The following ZCCHC17 variants were observed in gnomAD, a reference collection of about 807,000 sequenced individuals.
ZCCHC17 encodes zinc finger CCHC domain-containing protein 17.
ZCCHC17 carries 18 observed loss-of-function variants against 30.6 expected under a neutral mutation model. The observed-to-expected ratio is 0.59, with a 90% CI of 0.41 to 0.87. The LOEUF is 0.87. Ranked by LOEUF, ZCCHC17 falls within the 40% of genes least tolerant of loss-of-function variation. ZCCHC17 has a pLI of 0.00. For missense variants in ZCCHC17, 263 were observed against 284.2 expected, an observed-to-expected ratio of 0.93 and a Z score of 0.54; for synonymous variants, 88 against 92.4, an observed-to-expected ratio of 0.95 and a Z score of 0.27.
intron 3 of ZCCHC17, among the ~76,000 whole-genome samples, chr1:31,324,395 T>G (rs931523715): frequency 2.0e-5 from 3 of 152,192 alleles, no homozygotes; most frequent in Non-Finnish European, 4.4e-5. Context: ...TCTATGGAGC[T>G]GGCAGGAGCC....
At chr1:31,299,315 G>A (rs970249625) in intron 1 of ZCCHC17, among the ~76,000 whole-genome samples, 2 of 151,524 alleles carry the variant, frequency 1.3e-5, no homozygotes, top group African/African-American at 4.9e-5. Context: ...CTAGAGAAAT[G>A]TAGGATGCAA....
At chr1:31,318,120 A>G (rs1265960064) in intron 2 of ZCCHC17, 5 of 1,406,150 alleles carry the variant, frequency 3.6e-6, no homozygotes, top group Non-Finnish European at 4.8e-6. Flanking sequence ...ATATATTAGT[A>G]AATAGCAGTG....
intron 1 of ZCCHC17, among the ~76,000 whole-genome samples, chr1:31,308,369 A>C (rs781396889): frequency 6.6e-6 from 1 of 152,222 alleles, no homozygotes; most frequent in Non-Finnish European, 1.5e-5. Flanking sequence ...ATGTCCTGAA[A>C]GGATTTTCTT....
intron 6 of ZCCHC17, 124 bp downstream of exon 6, chr1:31,346,864 T>C (rs1488575840): frequency 6.6e-7 from 1 of 1,524,926 alleles, no homozygotes; most frequent in Non-Finnish European, 8.8e-7. Context: ...TGGCCTTTGC[T>C]GTTTTTTCCA....
At chr1:31,332,085 C>T (rs1638616718) in intron 3 of ZCCHC17, among the ~76,000 whole-genome samples, 1 of 152,128 alleles carries the variant, frequency 6.6e-6, no homozygotes, top group African/African-American at 2.4e-5. Context: ...GCTAGTTTAC[C>T]TAGATGAGGA....
intron 2 of ZCCHC17, among the ~76,000 whole-genome samples, chr1:31,312,196 C>T (rs576518233): frequency 6.6e-6 from 1 of 152,180 alleles, no homozygotes; most frequent in Non-Finnish European, 1.5e-5. Context: ...ATCTTGTATT[C>T]ATCCTTTAGG....
At chr1:31,330,884 T>C (rs1188091266) in intron 3 of ZCCHC17, among the ~76,000 whole-genome samples, 1 of 152,202 alleles carries the variant, frequency 6.6e-6, no homozygotes, top group Non-Finnish European at 1.5e-5. Flanking sequence ...TTTGGTGGTG[T>C]GTCCATGTTA....
At chr1:31,311,420 T>C (rs1015080372) in intron 2 of ZCCHC17, among the ~76,000 whole-genome samples, 1 of 152,246 alleles carries the variant, frequency 6.6e-6, no homozygotes, top group African/African-American at 2.4e-5. Flanking sequence ...GAGTTCTTGC[T>C]CTCTCTTTAG....
intron 5 of ZCCHC17, among the ~76,000 whole-genome samples, chr1:31,342,797 G>A (rs909779340): frequency 1.3e-5 from 2 of 152,200 alleles, no homozygotes; most frequent in African/African-American, 4.8e-5. Context: ...ACTTGAGGAG[G>A]AATAGTTTAC....
intron 3 of ZCCHC17, among the ~76,000 whole-genome samples, chr1:31,328,946 C>A (rs1323477938): frequency 6.6e-6 from 1 of 152,042 alleles, no homozygotes; most frequent in East Asian, 1.9e-4. Flanking sequence ...ACAGGGGGAT[C>A]AGTTGAGCCG....
chr1:31,338,971 A>G lies in ZCCHC17; in HGVS notation c.240A>G (p.Arg80=), dbSNP rs1638926329. 6.2e-7 allele frequency: 1 copy of G among 1,610,068 alleles called. No individual in the cohort carries two copies. Among genetic ancestry groups the G allele is most frequent in the African/African-American group, 1.3e-5 (1 of 74,682 alleles). Residue 80 remains arginine, a synonymous_variant, in exon 5 of 8, where the codon AGA becomes AGG. Transcript: ENST00000344147. ...KLIGREMKND[R]IKVSLSMKVV... ...GTCTCTTTCAGATGAAAAATGATAG[A>G]ATAAAAGTATCCCTCTCCATGAAGG...
chr1:31,345,200 A>G (rs903105913), intron 5 of ZCCHC17, among the ~76,000 whole-genome samples: 4 of 151,730 alleles, frequency 2.6e-5, no homozygotes, highest in Admixed American at 2.6e-4. Context: ...TCTGTCGCCC[A>G]GGCTGGAGTG....
At chr1:31,355,837 G>C (rs758860497) in intron 7 of ZCCHC17, among the ~76,000 whole-genome samples, 6 of 152,132 alleles carry the variant, frequency 3.9e-5, no homozygotes, top group African/African-American at 1.4e-4. Flanking sequence ...CAGCCCTCCT[G>C]TTTCCTTTTA....
At chr1:31,363,182 C>CTTT (rs374893533) in intron 7 of ZCCHC17, among the ~76,000 whole-genome samples, 9 of 135,636 alleles carry the variant, frequency 6.6e-5, no homozygotes, top group Non-Finnish European at 1.1e-4. Context: ...ATGTCTTATA[C>CTTT]TTTTTTTTTT....
chr1:31,298,680 C>T (rs916173737), intron 1 of ZCCHC17, among the ~76,000 whole-genome samples: 3 of 152,210 alleles, frequency 2.0e-5, no homozygotes, highest in African/African-American at 7.2e-5. Context: ...CCACTGCTCC[C>T]AGCTGAGATC....
Position 31,338,961 on chromosome 1 carries a change from A to G in ZCCHC17, c.230A>G (p.Lys77Arg), listed in dbSNP as rs749200438. 6.2e-7 allele frequency: 1 copy of G among 1,603,832 alleles called. No individual in the cohort carries two copies. Among genetic ancestry groups the G allele is most frequent in the Non-Finnish European group, 8.5e-7 (1 of 1,177,446 alleles). ...ACTTTTTTTGGTCTCTTTCAGATGA[A>G]AAATGATAGAATAAAAGTATCCCTC... is the stretch of plus-strand genomic sequence containing the variant. ...VWVKLIGREM[K>R]NDRIKVSLSM... Residue 77 changes from lysine (K) to arginine (R), a missense_variant, in exon 5 of 8, where the codon AAA (lysine) becomes AGA (arginine). Coordinates refer to ENST00000344147, the MANE Select transcript of ZCCHC17 (RefSeq NM_016505.4).
chr1:31,344,332 CTG>C (rs1368703649), intron 5 of ZCCHC17, among the ~76,000 whole-genome samples: 3 of 152,164 alleles, frequency 2.0e-5, no homozygotes, highest in Non-Finnish European at 4.4e-5. Context: ...TGACTTAACT[CTG>C]TTAAAATTTT....
intron 3 of ZCCHC17, among the ~76,000 whole-genome samples, chr1:31,323,423 G>A (rs57677732): frequency 0.058 from 8,818 of 151,964 alleles, 496 homozygotes; most frequent in South Asian, 0.21. Flanking sequence ...CTGGGTTCAC[G>A]CCATTCTCCT....
chr1:31,361,761 G>A lies in ZCCHC17; in HGVS notation c.565-2271G>A, dbSNP rs569078171. On this transcript the variant is annotated intron_variant, in intron 7 of 7. Transcript: ENST00000344147. ...CTATCTCATTAACTTGTCACCATAG[G>A]TGTTTTTTTTGGGGAGAGGGGGAGA... is the stretch of plus-strand genomic sequence containing the variant. 1.2e-4 allele frequency among the ~76,000 whole-genome samples: 18 copies of A among 151,718 alleles called. No individual in the cohort carries two copies. In the South Asian group the frequency reaches 3.6e-3, roughly 30 times the overall value.
Sources: gnomAD v4.1 joint callset for allele counts (sites outside exome capture counted in the v4.1 genomes callset) on GRCh38, gnomAD v4.1.1 for gene constraint, MANE v1.5 for transcripts, NCBI Gene and HGNC (gene_info 2026-07-23, HGNC 2026-07-21) for gene names.